TMEM178B: variants seen among roughly 807,000 people sequenced by gnomAD.
TMEM178B encodes transmembrane protein 178B.
A neutral mutation model predicts 31.0 loss-of-function variants in TMEM178B; 5 were observed. The observed-to-expected ratio is 0.16, with a 90% CI of 0.08 to 0.34. The LOEUF (loss-of-function observed/expected upper bound fraction) is 0.34. Ranked by LOEUF, TMEM178B falls within the 10% of genes least tolerant of loss-of-function variation. The pLI, the probability that TMEM178B is intolerant of heterozygous loss-of-function variation, is 1.00. For missense variants in TMEM178B, 275 were observed against 400.3 expected (o/e 0.69, Z 2.67); for synonymous variants, 164 against 164.0 (o/e 1.00, Z 0.00).
chr7:141,220,948 G>A (rs10249795), intron 2 of TMEM178B, among the ~76,000 whole-genome samples: 4 of 152,164 alleles, frequency 2.6e-5, no homozygotes, highest in African/African-American at 4.8e-5. Context: ...ATATTTCCAG[G>A]TGCCAACCAG....
At chr7:141,205,063 C>G (rs1366294683) in intron 1 of TMEM178B, among the ~76,000 whole-genome samples, 1 of 152,118 alleles carries the variant, frequency 6.6e-6, no homozygotes, top group Non-Finnish European at 1.5e-5. Flanking sequence ...TGGCCTCAAG[C>G]GATCCTTCCA....
At chr7:141,508,926 G>A in the TMEM178B span, among the ~76,000 whole-genome samples, 3 of 152,188 alleles carry the variant, frequency 2.0e-5, no homozygotes, top group African/African-American at 7.2e-5. Flanking sequence ...CCTTCCGTGG[G>A]ACAATGGCAA....
chr7:141,500,443 A>G, the TMEM178B span, among the ~76,000 whole-genome samples: 2 of 152,156 alleles, frequency 1.3e-5, no homozygotes, highest in Admixed American at 1.3e-4. Context: ...CCTTTTTCTT[A>G]GGGCATATAA....
At chr7:141,078,120 A>T (rs945434801) in intron 1 of TMEM178B, among the ~76,000 whole-genome samples, 2 of 152,116 alleles carry the variant, frequency 1.3e-5, no homozygotes, top group African/African-American at 4.8e-5. Flanking sequence ...TTTAAATCTC[A>T]TCCATGTCTC....
At chr7:141,317,974 T>C (rs957418745) in intron 2 of TMEM178B, among the ~76,000 whole-genome samples, 1 of 152,204 alleles carries the variant, frequency 6.6e-6, no homozygotes, top group Admixed American at 6.5e-5. Flanking sequence ...ACCTAATGTT[T>C]ATTTTAATTT....
At chr7:141,184,666 C>G (rs1016107815) in intron 1 of TMEM178B, among the ~76,000 whole-genome samples, 1 of 152,138 alleles carries the variant, frequency 6.6e-6, no homozygotes, top group Non-Finnish European at 1.5e-5. Context: ...CTTCTCTTCT[C>G]TAGGGCTATG....
intron 3 of TMEM178B, among the ~76,000 whole-genome samples, chr7:141,449,258 C>A (rs897324610): frequency 1.3e-5 from 2 of 152,022 alleles, no homozygotes; most frequent in African/African-American, 4.8e-5. Context: ...TGGAGAGACC[C>A]CTCCTATTAG....
At chr7:141,451,817 C>T (rs1452019597) in intron 3 of TMEM178B, among the ~76,000 whole-genome samples, 1 of 152,174 alleles carries the variant, frequency 6.6e-6, no homozygotes, top group Non-Finnish European at 1.5e-5. Context: ...TTACTTATTA[C>T]TTCTAGAGCT....
At chr7:141,434,414 A>G (rs1801496070) in intron 2 of TMEM178B, among the ~76,000 whole-genome samples, 1 of 152,238 alleles carries the variant, frequency 6.6e-6, no homozygotes, top group Non-Finnish European at 1.5e-5. Context: ...GATTTCTCCT[A>G]GAAAGAAACC....
chr7:141,216,476 G>GT (rs1563120779), intron 2 of TMEM178B, among the ~76,000 whole-genome samples: 5,327 of 102,802 alleles, frequency 0.052, 510 homozygotes, highest in African/African-American at 0.15. Context: ...TGTGTGTGTG[G>GT]GTGTGTGGTG....
chr7:141,169,380 C>CT (rs1399628573), intron 1 of TMEM178B, among the ~76,000 whole-genome samples: 4 of 152,198 alleles, frequency 2.6e-5, no homozygotes, highest in African/African-American at 9.7e-5. Context: ...TAATATCATT[C>CT]TTTTTTATGG....
chr7:141,412,633 G>A (rs2116637675), intron 2 of TMEM178B, among the ~76,000 whole-genome samples: 1 of 152,348 alleles, frequency 6.6e-6, no homozygotes, highest in South Asian at 2.1e-4. Context: ...TATTTGGATA[G>A]ATTCAGATGA....
intron 1 of TMEM178B, among the ~76,000 whole-genome samples, chr7:141,192,244 A>G (rs1245322763): frequency 6.6e-6 from 1 of 152,200 alleles, no homozygotes; most frequent in Non-Finnish European, 1.5e-5. Flanking sequence ...AAGTAGCTAT[A>G]GAGAGAGGAC....
intron 2 of TMEM178B, among the ~76,000 whole-genome samples, chr7:141,433,240 A>G (rs1320443724): frequency 1.3e-5 from 2 of 152,216 alleles, no homozygotes; most frequent in African/African-American, 4.8e-5. Flanking sequence ...AAGGTGATGT[A>G]GGAATCTAGA....
At chr7:141,237,406 C>T (rs959131607) in intron 2 of TMEM178B, among the ~76,000 whole-genome samples, 1 of 151,990 alleles carries the variant, frequency 6.6e-6, no homozygotes, top group Non-Finnish European at 1.5e-5. Context: ...TGTGCTATAA[C>T]CATTAAATGT....
intron 1 of TMEM178B, among the ~76,000 whole-genome samples, chr7:141,165,321 A>G (rs558557763): frequency 6.6e-6 from 1 of 152,248 alleles, no homozygotes; most frequent in South Asian, 2.1e-4. Flanking sequence ...TTTTAAGAGT[A>G]TTGGTCAGGC....
intron 3 of TMEM178B, among the ~76,000 whole-genome samples, chr7:141,453,604 A>G (rs991410978): frequency 1.6e-4 from 24 of 152,248 alleles, no homozygotes; most frequent in African/African-American, 4.6e-4. Context: ...GTGCTATAAC[A>G]GGGCAGATTG....
chr7:141,122,376 T>C (rs1390711795), intron 1 of TMEM178B, among the ~76,000 whole-genome samples: 3 of 152,264 alleles, frequency 2.0e-5, no homozygotes, highest in Non-Finnish European at 4.4e-5. Flanking sequence ...GAATTATTAT[T>C]GATAATGGAT....
intron 2 of TMEM178B, among the ~76,000 whole-genome samples, chr7:141,256,159 A>G (rs11767925): frequency 0.011 from 1,728 of 152,240 alleles, 12 homozygotes; most frequent in Middle Eastern, 0.034. Context: ...GGCATATTCT[A>G]TATGCTGGGG....
Sources: gnomAD v4.1 joint callset for allele counts (sites outside exome capture counted in the v4.1 genomes callset) on GRCh38, gnomAD v4.1.1 for gene constraint, MANE v1.5 for transcripts, NCBI Gene and HGNC (gene_info 2026-07-23, HGNC 2026-07-21) for gene names.